PRKCB: variants seen among roughly 807,000 people sequenced by gnomAD.
PRKCB encodes protein kinase C beta.
PRKCB carries 13 observed loss-of-function variants against 81.5 expected under a neutral mutation model. The ratio of observed to expected loss-of-function variants is 0.16; its 90% CI spans 0.10 to 0.25. The LOEUF is 0.25. Ranked by LOEUF, PRKCB falls within the 10% of genes least tolerant of loss-of-function variation. The pLI, the probability that PRKCB is intolerant of heterozygous loss-of-function variation, is 1.00. For missense variants in PRKCB, 509 were observed against 875.7 expected, an observed-to-expected ratio of 0.58 and a Z score of 5.29; for synonymous variants, 335 against 321.4, an observed-to-expected ratio of 1.04 and a Z score of -0.45.
chr16:24,120,581 C>G (rs751446987), intron 8 of PRKCB, among the ~76,000 whole-genome samples: 7 of 152,262 alleles, frequency 4.6e-5, no homozygotes, highest in South Asian at 2.1e-4. Context: ...TGGAAACAAC[C>G]AGCATCCTGC....
At chr16:23,990,668 C>A (rs1405265802) in intron 3 of PRKCB, among the ~76,000 whole-genome samples, 1 of 151,904 alleles carries the variant, frequency 6.6e-6, no homozygotes, top group Admixed American at 6.6e-5. Flanking sequence ...CCACCTCAGC[C>A]GCCCACGTAG....
chr16:24,210,379 C>T (rs1186190182), intron 16 of PRKCB, among the ~76,000 whole-genome samples: 3 of 152,098 alleles, frequency 2.0e-5, no homozygotes, highest in Non-Finnish European at 4.4e-5. Flanking sequence ...CTCTGCCTAG[C>T]ATGCCTTTCC....
rs1025532194 is a variant in PRKCB at position 24,031,986 on chromosome 16, A to T, written c.289-150A>T. The stretch of plus-strand genomic sequence containing the variant: ...TATTTATCCAGCACCGTTTCTGGGC[A>T]CAGGGCTCCAGCGATGGTCCCAACA... On this transcript the variant is annotated intron_variant, in intron 3 of 16. Coordinates refer to ENST00000643927, the MANE Select transcript of PRKCB (RefSeq NM_002738.7). The T allele has an allele frequency of 5.3e-6, 3 of 567,434 alleles. No homozygotes were observed. The African/African-American group carries it at 5.7e-5, about 11-fold the overall frequency. The allele number at this position is 567,434 out of a possible 1,614,324, so 35.1% of individuals were successfully genotyped here.
At chr16:24,109,660 T>G (rs1185370956) in intron 7 of PRKCB, among the ~76,000 whole-genome samples, 1 of 125,266 alleles carries the variant, frequency 8.0e-6, no homozygotes, top group Admixed American at 7.5e-5. Context: ...ACATCCCAGA[T>G]GATGGGTGGC....
At chr16:23,875,505 A>G (rs1597221732) in intron 2 of PRKCB, among the ~76,000 whole-genome samples, 1 of 27,720 alleles carries the variant, frequency 3.6e-5, no homozygotes, top group Non-Finnish European at 6.3e-5. Context: ...ATATATATAT[A>G]TGATGTATAT....
Position 24,050,830 on chromosome 16 carries a change from C to T in PRKCB, c.529+15283C>T, listed in dbSNP as rs1965832768. 3.9e-5 allele frequency among the ~76,000 whole-genome samples: 6 copies of T among 152,276 alleles called. No homozygotes were observed. The South Asian group carries it at 1.2e-3, about 32-fold the overall frequency. On this transcript the variant is annotated intron_variant, in intron 5 of 16. Transcript: ENST00000643927. The stretch of plus-strand genomic sequence containing the variant: ...TCTTTTGGGGGGTCTGGGGGTACCA[C>T]CAGCCACATTGCACTGTTGACTTAT...
At chr16:23,950,146 T>TTG (rs1218525393) in intron 2 of PRKCB, among the ~76,000 whole-genome samples, 8 of 146,110 alleles carry the variant, frequency 5.5e-5, no homozygotes, top group Admixed American at 1.4e-4. Context: ...TTTTTTTTTT[T>TTG]TTTTTTTTTT....
At chr16:24,148,830 T>C (rs576391352) in intron 9 of PRKCB, among the ~76,000 whole-genome samples, 2 of 152,312 alleles carry the variant, frequency 1.3e-5, no homozygotes, top group East Asian at 3.9e-4. Flanking sequence ...ATTCACTTGA[T>C]CCAGACCGCC....
At chr16:24,089,974 A>T in intron 5 of PRKCB, among the ~76,000 whole-genome samples, 1 of 152,208 alleles carries the variant, frequency 6.6e-6, no homozygotes, top group East Asian at 1.9e-4. Flanking sequence ...TTTATTGATC[A>T]AGAAATTGAG....
Position 23,989,798 on chromosome 16 carries a change from C to T in PRKCB, c.288+1208C>T, listed in dbSNP as rs1339643865. ...CCTTCATCCTTCTGGCAGAGGCTAC[C>T]TCTCATGATGGAAGCTAAAAATGCC... is the stretch of plus-strand genomic sequence containing the variant. On this transcript the variant is annotated intron_variant, in intron 3 of 16. Transcript: ENST00000643927. Among the ~76,000 whole-genome samples, 3 of 152,160 alleles carry T rather than the reference C, an allele frequency of 2.0e-5. No individual in the cohort carries two copies. In the East Asian group the frequency reaches 5.8e-4, roughly 29 times the overall value.
intron 3 of PRKCB, among the ~76,000 whole-genome samples, chr16:24,009,238 G>A (rs1456132139): frequency 5.3e-5 from 8 of 152,120 alleles, no homozygotes; most frequent in Non-Finnish European, 1.5e-5. Context: ...GAATCATATG[G>A]TAGTTCTATT....
chr16:24,220,363 T>G lies in PRKCB; in HGVS notation c.*5547T>G. On this transcript the variant is annotated 3_prime_UTR_variant, in exon 17 of 17. Coordinates refer to ENST00000643927, the MANE Select transcript of PRKCB (RefSeq NM_002738.7). ...TCCAAACTTCCAGAAACTCATCAAATGAACAGACAATGTCAAAACTACTGT... is the reference window on the plus strand; with the variant it reads ...TCCAAACTTCCAGAAACTCATCAAAGGAACAGACAATGTCAAAACTACTGT... 2.8e-6 allele frequency: 1 copy of G among 356,744 alleles called. No individual in the cohort carries two copies. The highest frequency in any genetic ancestry group is 5.0e-6 in the Non-Finnish European group (1 of 198,698). The allele number at this position is 356,744 out of a possible 1,614,324, so 22.1% of individuals were successfully genotyped here. A position where few individuals can be genotyped will look rare whatever the true frequency, so the allele number is the denominator to read the frequency against.
intron 10 of PRKCB, among the ~76,000 whole-genome samples, chr16:24,157,089 C>T (rs1967172310): frequency 6.6e-6 from 1 of 152,050 alleles, no homozygotes; most frequent in Admixed American, 6.6e-5. Context: ...TTGAACCAAC[C>T]TACTCACCTA....
rs1968302933 is a variant in PRKCB at position 24,220,292 on chromosome 16, G to A, written c.*5476G>A. The A allele has an allele frequency of 2.8e-6, 2 of 725,106 alleles. No homozygotes were observed. Among genetic ancestry groups the A allele is most frequent in the Non-Finnish European group, 4.3e-6 (2 of 469,570 alleles). 44.9% of individuals were successfully genotyped at this position (725,106 alleles called of 1,614,324 possible). ...TAGTTTGTTTTCTACATTTGAAAAT[G>A]TTTAGTTTAGAATAAGCGCATTATC... is the stretch of plus-strand genomic sequence containing the variant. On this transcript the variant is annotated 3_prime_UTR_variant, in exon 17 of 17. Coordinates refer to ENST00000643927, the MANE Select transcript of PRKCB (RefSeq NM_002738.7).
chr16:24,017,195 A>C (rs1019360894), intron 3 of PRKCB, among the ~76,000 whole-genome samples: 1 of 152,244 alleles, frequency 6.6e-6, no homozygotes, highest in South Asian at 2.1e-4. Context: ...GTGGAGCATA[A>C]GACAATATTA....
chr16:24,173,192 G>A (rs1050428839), intron 11 of PRKCB, among the ~76,000 whole-genome samples: 2 of 152,148 alleles, frequency 1.3e-5, no homozygotes, highest in African/African-American at 4.8e-5. Flanking sequence ...CTGATTCTGG[G>A]TTGTTGGAAA....
intron 8 of PRKCB, among the ~76,000 whole-genome samples, chr16:24,115,073 A>G (rs2642664): frequency 0.65 from 98,738 of 151,560 alleles, 33,582 homozygotes; most frequent in African/African-American, 0.86. Flanking sequence ...ATATAGCAGC[A>G]ATGTGAGACT....
chr16:24,008,743 G>A (rs961870814), intron 3 of PRKCB, among the ~76,000 whole-genome samples: 1 of 152,044 alleles, frequency 6.6e-6, no homozygotes, highest in African/African-American at 2.4e-5. Flanking sequence ...AAAGTTTTAA[G>A]TGTAAAATGC....
chr16:24,205,345 G>A (rs1968029507), intron 16 of PRKCB, among the ~76,000 whole-genome samples: 1 of 151,026 alleles, frequency 6.6e-6, no homozygotes, highest in South Asian at 2.1e-4. Flanking sequence ...TGTAGAGACA[G>A]GTTCTCTCTA....
Sources: allele counts gnomAD v4.1 joint callset (sites outside exome capture counted in the v4.1 genomes callset), GRCh38; gene constraint gnomAD v4.1.1; transcripts MANE v1.5; gene names NCBI Gene and HGNC (gene_info 2026-07-23, HGNC 2026-07-21).